The following GABRB1 variants were observed in gnomAD, a reference collection of about 807,000 sequenced individuals.
GABRB1 encodes the protein gamma-aminobutyric acid receptor subunit beta-1.
In GABRB1, 17 loss-of-function variants were observed where a neutral mutation model predicts 51.6. The ratio of observed to expected loss-of-function variants is 0.33; its 90% CI spans 0.23 to 0.49. The LOEUF (loss-of-function observed/expected upper bound fraction) is 0.49. Among genes scored for constraint, GABRB1 ranks in the 20% least tolerant of loss-of-function variants. The pLI is 0.99. For synonymous variants in GABRB1, 247 were observed against 218.9 expected, an observed-to-expected ratio of 1.13 and a Z score of -1.14; for missense variants, 410 against 600.6, an observed-to-expected ratio of 0.68 and a Z score of 3.32.
At chr4:47,330,919 T>A (rs965251929) in intron 5 of GABRB1, among the ~76,000 whole-genome samples, 1 of 152,200 alleles carries the variant, frequency 6.6e-6, no homozygotes, top group African/African-American at 2.4e-5. Context: ...CTTTTATTGC[T>A]GCCTGCCAAA....
chr4:47,243,309 G>A (rs901679174), intron 4 of GABRB1, among the ~76,000 whole-genome samples: 2 of 152,220 alleles, frequency 1.3e-5, no homozygotes, highest in African/African-American at 4.8e-5. Context: ...ATAGTTTGAA[G>A]TCAGGTAGCG....
chr4:47,286,293 G>A (rs1723506273), intron 4 of GABRB1, among the ~76,000 whole-genome samples: 1 of 152,144 alleles, frequency 6.6e-6, no homozygotes, highest in Non-Finnish European at 1.5e-5. Flanking sequence ...AGGTTGAAGT[G>A]CATGCATTGT....
intron 4 of GABRB1, among the ~76,000 whole-genome samples, chr4:47,262,171 A>C (rs971976406): frequency 6.6e-6 from 1 of 151,696 alleles, no homozygotes; most frequent in Non-Finnish European, 1.5e-5. Flanking sequence ...AGCAATGGCA[A>C]CAAAAGCCAA....
chr4:47,154,257 G>GTTTTTTTTT (rs66516518), intron 3 of GABRB1, among the ~76,000 whole-genome samples: 2 of 137,426 alleles, frequency 1.5e-5, no homozygotes, highest in Non-Finnish European at 1.5e-5. Context: ...AATTATGGTT[G>GTTTTTTTTT]TTTTTTTTTT....
intron 1 of GABRB1, among the ~76,000 whole-genome samples, chr4:47,001,116 T>C (rs13116518): frequency 0.57 from 86,707 of 151,980 alleles, 25,110 homozygotes; most frequent in Non-Finnish European, 0.61. Flanking sequence ...GGTAAGATAT[T>C]ATTTTAATTT....
intron 3 of GABRB1, among the ~76,000 whole-genome samples, chr4:47,150,733 G>GT (rs1361722830): frequency 6.6e-6 from 1 of 151,862 alleles, no homozygotes; most frequent in Non-Finnish European, 1.5e-5. Context: ...GAGAAAGGAA[G>GT]TAGGATAGAG....
chr4:46,993,705 G>C (rs1274528733), upstream of GABRB1: 5 of 345,636 alleles, frequency 1.4e-5, no homozygotes, highest in Non-Finnish European at 2.7e-5. Flanking sequence ...CGCGCTGAAG[G>C]TTCTGGGGTT....
chr4:47,391,288 C>T (rs897534890), intron 5 of GABRB1, among the ~76,000 whole-genome samples: 2 of 152,098 alleles, frequency 1.3e-5, no homozygotes, highest in African/African-American at 4.8e-5. Context: ...AAACAAAGTG[C>T]GTGTGAGCTT....
intron 4 of GABRB1, among the ~76,000 whole-genome samples, chr4:47,308,380 T>C (rs1724543851): frequency 6.6e-6 from 1 of 152,106 alleles, no homozygotes; most frequent in African/African-American, 2.4e-5. Flanking sequence ...TATTGCTTAT[T>C]TGAATAGAAA....
intron 1 of GABRB1, among the ~76,000 whole-genome samples, chr4:47,024,803 T>C (rs771306399): frequency 6.6e-6 from 1 of 151,458 alleles, no homozygotes; most frequent in Non-Finnish European, 1.5e-5. Context: ...CTCCCACTTA[T>C]GAGTGAAAAC....
intron 4 of GABRB1, among the ~76,000 whole-genome samples, chr4:47,183,937 A>T (rs1450064295): frequency 1.3e-5 from 2 of 151,840 alleles, no homozygotes; most frequent in East Asian, 1.9e-4. Flanking sequence ...CTCTTCACTC[A>T]GTTAGTCTCC....
At chr4:47,218,982 G>A (rs1201544046) in intron 4 of GABRB1, among the ~76,000 whole-genome samples, 2 of 151,838 alleles carry the variant, frequency 1.3e-5, no homozygotes, top group Middle Eastern at 3.4e-3. Flanking sequence ...ATTTAATGTA[G>A]AAAGTGTGGT....
At chr4:47,078,377 T>C (rs991881443) in intron 3 of GABRB1, among the ~76,000 whole-genome samples, 3 of 152,194 alleles carry the variant, frequency 2.0e-5, no homozygotes, top group African/African-American at 7.2e-5. Context: ...TCTTTTCTCC[T>C]TTATATGTTT....
At chr4:47,310,247 T>C (rs1010384373) in intron 4 of GABRB1, among the ~76,000 whole-genome samples, 1 of 152,190 alleles carries the variant, frequency 6.6e-6, no homozygotes, top group Non-Finnish European at 1.5e-5. Flanking sequence ...ACACCTTACC[T>C]ATTTTATAAA....
intron 3 of GABRB1, among the ~76,000 whole-genome samples, chr4:47,144,529 A>G (rs948270305): frequency 5.9e-5 from 9 of 152,020 alleles, no homozygotes; most frequent in African/African-American, 2.2e-4. Context: ...GGTAACAACT[A>G]CTACTTGTTG....
Position 47,425,767 on chromosome 4 carries a change from G to T in GABRB1, c.1174G>T (p.Ala392Ser), listed in dbSNP as rs77881121. The change falls in exon 9 of 9, where the codon GCC becomes TCC. Residue 392 changes from alanine (A) to serine (S), a missense_variant. Ala to Ser is a moderately conservative substitution (Grantham distance 99). Transcript: ENST00000295454. ...GCTCACGAGCGTGAGCGACCCCAAGGCCACCATGTACTCCTATGACAGCGC... is the reference window on the plus strand; with the variant it reads ...GCTCACGAGCGTGAGCGACCCCAAGTCCACCATGTACTCCTATGACAGCGC... ...EVLTSVSDPK[A>S]TMYSYDSASI... 2.5e-6 allele frequency: 4 copies of T among 1,614,176 alleles called. No homozygotes were observed. The highest frequency in any genetic ancestry group is 1.3e-5 in the African/African-American group (1 of 75,052).
At chr4:47,273,912 A>AT (rs576890821) in intron 4 of GABRB1, among the ~76,000 whole-genome samples, 4 of 146,552 alleles carry the variant, frequency 2.7e-5, no homozygotes, top group African/African-American at 7.6e-5. Context: ...TTGAAGGTAG[A>AT]TTTTTTTCTC....
At chr4:47,032,107 T>C (rs1268512398) in intron 2 of GABRB1, 102 bp downstream of exon 2, 45 of 748,816 alleles carry the variant, frequency 6.0e-5, no homozygotes, top group Non-Finnish European at 8.4e-5. Flanking sequence ...GTCATTTTCG[T>C]AAGCGTGCAC....
chr4:47,260,154 C>G (rs980714057), intron 4 of GABRB1, among the ~76,000 whole-genome samples: 113 of 151,848 alleles, frequency 7.4e-4, no homozygotes, highest in African/African-American at 2.6e-3. Context: ...CAACCCCTAC[C>G]TTTTTTTTGT....
Sources: gnomAD v4.1 joint callset for allele counts (sites outside exome capture counted in the v4.1 genomes callset) on GRCh38, gnomAD v4.1.1 for gene constraint, MANE v1.5 for transcripts, NCBI Gene and HGNC (gene_info 2026-07-23, HGNC 2026-07-21) for gene names.